The following SLC12A5 variants were observed in gnomAD, a reference collection of about 807,000 sequenced individuals.
SLC12A5 encodes the protein K-Cl cotransporter 2.
In SLC12A5, 18 loss-of-function variants were observed where a neutral mutation model predicts 124.0. That is an observed-to-expected ratio of 0.15 (90% confidence interval 0.10 to 0.22). The LOEUF (loss-of-function observed/expected upper bound fraction) is 0.22. Ranked by LOEUF, SLC12A5 falls within the 10% of genes least tolerant of loss-of-function variation. The pLI is 1.00. For missense variants in SLC12A5, 867 were observed against 1,478.7 expected (o/e 0.59, Z 6.78); for synonymous variants, 589 against 568.0 (o/e 1.04, Z -0.53).
Position 46,040,471 on chromosome 20 carries a change from G to A in SLC12A5, c.711G>A (p.Val237=), listed in dbSNP as rs750550342. The A allele has an allele frequency of 1.9e-6, 3 of 1,614,124 alleles. No individual in the cohort carries two copies. The highest frequency in any genetic ancestry group is 2.5e-6 in the Non-Finnish European group (3 of 1,180,060). ...LNNMRVYGTC[V]LTCMATVVFV... is the part of the protein sequence containing the mutation. ...ACATGCGTGTTTACGGCACCTGTGT[G>A]CTCACCTGCATGGCCACTGTGGTGT... is the stretch of plus-strand genomic sequence containing the variant. Residue 237 remains valine, a synonymous_variant, in exon 7 of 26, where the codon GTG becomes GTA. Coordinates refer to ENST00000243964, the MANE Select transcript of SLC12A5 (RefSeq NM_020708.5).
At position 46,029,508 on chromosome 20, in the gene SLC12A5, C is replaced by T. The variant is rs1304541956; in HGVS notation, c.52+112C>T. ...CTTCAGAGAGGAGGCTGGGACTGAC[C>T]CGGGCGGTGGGCGCCAGTTGCAGCC... On this transcript the variant is annotated intron_variant, in intron 1 of 25. Transcript: ENST00000243964. 3.3e-6 allele frequency: 4 copies of T among 1,212,804 alleles called. No individual in the cohort carries two copies. In the African/African-American group the frequency reaches 6.2e-5, roughly 19 times the overall value. The allele number at this position is 1,212,804 out of a possible 1,614,324, so 75.1% of individuals were successfully genotyped here.
intron 15 of SLC12A5, among the ~76,000 whole-genome samples, 175 bp downstream of exon 15, chr20:46,047,748 G>A (rs1434339970): frequency 6.6e-6 from 1 of 152,080 alleles, no homozygotes. Context: ...GAAGATGGGG[G>A]GTGGGAGCAG....
Position 46,057,068 on chromosome 20 carries a change from G to C in SLC12A5, c.3126-102G>C. 6.3e-7 allele frequency: 1 copy of C among 1,596,146 alleles called. No individual in the cohort carries two copies. The highest frequency in any genetic ancestry group is 1.1e-5 in the South Asian group (1 of 90,310). ...AGGATTGGTGGTCCTAGGCTTGCAAGAACCAGTCCCCAGCAGCCCAGTTCG... is the reference window on the plus strand; with the variant it reads ...AGGATTGGTGGTCCTAGGCTTGCAACAACCAGTCCCCAGCAGCCCAGTTCG... On this transcript the variant is annotated intron_variant, in intron 24 of 25. Transcript: ENST00000243964. This position sits in a 1 kb window ranked among gnomAD's most constrained non-coding sequence, Gnocchi z 7.1.
At chr20:46,032,343 G>C (rs911629073) in intron 1 of SLC12A5, among the ~76,000 whole-genome samples, 1 of 152,226 alleles carries the variant, frequency 6.6e-6, no homozygotes, top group Non-Finnish European at 1.5e-5. Flanking sequence ...GAGGGGAGGG[G>C]TTCTCCTGTC....
At chr20:46,051,922 G>A (rs2084650503) in intron 18 of SLC12A5, 52 bp downstream of exon 18, 1 of 1,356,310 alleles carries the variant, frequency 7.4e-7, no homozygotes, top group African/African-American at 1.5e-5. Flanking sequence ...GGGGGCTGTA[G>A]AGGGGTGGAA....
At chr20:46,022,150 A>C in intron 1 of SLC12A5, 2 of 186,866 alleles carry the variant, frequency 1.1e-5, no homozygotes, top group South Asian at 2.6e-4. Flanking sequence ...GTTTGGACGG[A>C]GGCGAAGGGG....
At chr20:46,048,961 C>A (rs1252943695) in intron 16 of SLC12A5, among the ~76,000 whole-genome samples, 4 of 152,210 alleles carry the variant, frequency 2.6e-5, no homozygotes, top group Admixed American at 1.3e-4. Flanking sequence ...CACCTCTTAG[C>A]CCTGGGTGCT....
At chr20:46,029,450 C>T in intron 1 of SLC12A5, 54 bp downstream of exon 1, 3 of 1,529,868 alleles carry the variant, frequency 2.0e-6, no homozygotes, top group Non-Finnish European at 2.6e-6. Flanking sequence ...GAGGAGGCAG[C>T]TCTGGGGTTA....
intron 1 of SLC12A5, among the ~76,000 whole-genome samples, chr20:46,034,257 C>T (rs539723579): frequency 7.7e-4 from 118 of 152,304 alleles, no homozygotes; most frequent in African/African-American, 2.6e-3. Flanking sequence ...TCAGCGGACA[C>T]GTCACTTCCT....
chr20:46,041,481 C>T lies in SLC12A5; in HGVS notation c.1007C>T (p.Thr336Ile). The change falls in exon 8 of 26, where the codon ACC (threonine) becomes ATC (isoleucine). Residue 336 changes from threonine (T) to isoleucine (I), a missense_variant. This residue lies in a region of SLC12A5 where 127 missense variants were observed against 164.1 expected (regional missense o/e 0.77). Coordinates refer to ENST00000243964, the MANE Select transcript of SLC12A5 (RefSeq NM_020708.5). ...AACGCCACCTGTGATGAATACTTCA[C>T]CCGAAACAATGTCACAGAGATCCAG... is the stretch of plus-strand genomic sequence containing the variant. The part of the protein sequence containing the change: ...FLNATCDEYF[T>I]RNNVTEIQGI... 1 of 1,614,114 alleles carries T rather than the reference C, an allele frequency of 6.2e-7. No homozygotes were observed. The highest frequency in any genetic ancestry group is 8.5e-7 in the Non-Finnish European group (1 of 1,180,026).
At chr20:46,031,829 G>T (rs574744481) in intron 1 of SLC12A5, among the ~76,000 whole-genome samples, 2 of 152,306 alleles carry the variant, frequency 1.3e-5, no homozygotes, top group South Asian at 2.1e-4. Context: ...CCTGCCTCTC[G>T]CGCGCGCGCC....
Position 46,056,891 on chromosome 20 carries a change from C to G in SLC12A5, c.3111-6C>G, listed in dbSNP as rs1469825932. On this transcript the variant is annotated splice_region_variant and splice_polypyrimidine_tract_variant and intron_variant, in intron 23 of 25. Coordinates refer to ENST00000243964, the MANE Select transcript of SLC12A5 (RefSeq NM_020708.5). The surrounding 1 kb of genome is among the most constrained non-coding windows in gnomAD (Gnocchi z 4.3). ...TCTCTCTTTGCATCTCTTGTGTTTC[C>G]TGAAGGGAGTGGGAGAACTTGTAAG... 2 of 1,613,904 alleles carry G rather than the reference C, an allele frequency of 1.2e-6. No homozygotes were observed. Among genetic ancestry groups the G allele is most frequent in the Non-Finnish European group, 1.7e-6 (2 of 1,179,914 alleles).
chr20:46,055,678 G>A (rs535124038), intron 21 of SLC12A5, among the ~76,000 whole-genome samples: 7 of 152,146 alleles, frequency 4.6e-5, no homozygotes, highest in Non-Finnish European at 7.4e-5. Context: ...TCCTACACAT[G>A]AGGGTAATAG....
At chr20:46,021,919 C>T in intron 1 of SLC12A5, 1 of 1,482,216 alleles carries the variant, frequency 6.7e-7, no homozygotes, top group Non-Finnish European at 8.9e-7. Flanking sequence ...CCTGCCAGGG[C>T]CGGGCGGGAC....
rs972720917 is a variant in SLC12A5, at chr20:46,053,963, T to C, written c.2679+254T>C. On this transcript the variant is annotated intron_variant, in intron 20 of 25. Transcript: ENST00000243964. This position sits in a 1 kb window ranked among gnomAD's most constrained non-coding sequence, Gnocchi z 4.7. ...TAAATTCCAACAACGACCAATGAGA[T>C]AGATACAATTATCAGCATTTCCATG... Among the ~76,000 whole-genome samples, 1 of 152,188 alleles carries C rather than the reference T, an allele frequency of 6.6e-6. No homozygotes were observed. The highest frequency in any genetic ancestry group is 1.9e-4 in the East Asian group (1 of 5,192).
Position 46,057,396 on chromosome 20 carries a change from C to G in SLC12A5, c.3259+93C>G. ...GATGGAAGAGCTGAGCTGTTCCTGC[C>G]TCCGGATCAGCACCTCGGACAGGGA... On this transcript the variant is annotated intron_variant, in intron 25 of 25. Coordinates refer to ENST00000243964, the MANE Select transcript of SLC12A5 (RefSeq NM_020708.5). The surrounding 1 kb of genome is among the most constrained non-coding windows in gnomAD (Gnocchi z 7.1). 1 of 1,605,724 alleles carries G rather than the reference C, an allele frequency of 6.2e-7. No homozygotes were observed. Among genetic ancestry groups the G allele is most frequent in the Non-Finnish European group, 8.5e-7 (1 of 1,172,572 alleles).
At position 46,059,409 on chromosome 20, in the gene SLC12A5, G is replaced by A; in HGVS notation, c.*1804G>A. 2.5e-6 allele frequency: 1 copy of A among 396,268 alleles called. No homozygotes were observed. The highest frequency in any genetic ancestry group is 4.4e-6 in the Non-Finnish European group (1 of 225,038). 24.5% of individuals were successfully genotyped at this position (396,268 alleles called of 1,614,324 possible). A position where few individuals can be genotyped will look rare whatever the true frequency, so the allele number is the denominator to read the frequency against. ...CAGGGGACTGGATAGATTCTTTCAGGTACTCAATCAGGAAGCTGGAGGTGT... is the reference window on the plus strand; with the variant it reads ...CAGGGGACTGGATAGATTCTTTCAGATACTCAATCAGGAAGCTGGAGGTGT... On this transcript the variant is annotated 3_prime_UTR_variant, in exon 26 of 26. Coordinates refer to ENST00000243964, the MANE Select transcript of SLC12A5 (RefSeq NM_020708.5).
At chr20:46,030,667 G>A (rs1381412292) in intron 1 of SLC12A5, among the ~76,000 whole-genome samples, 1 of 152,202 alleles carries the variant, frequency 6.6e-6, no homozygotes, top group Non-Finnish European at 1.5e-5. Context: ...GGCGGATGGC[G>A]CCTAGGGCTG....
chr20:46,039,863 T>C (rs1318538991), intron 6 of SLC12A5, among the ~76,000 whole-genome samples: 1 of 151,970 alleles, frequency 6.6e-6, no homozygotes, highest in African/African-American at 2.4e-5. Flanking sequence ...AATAGCTCCA[T>C]AGTCTGTGGG....
Sources: gnomAD v4.1 joint callset for allele counts (sites outside exome capture counted in the v4.1 genomes callset) on GRCh38, gnomAD v4.1.1 for gene constraint, gnomAD v4.1.1 regional missense constraint, Gnocchi (gnomAD v3.1) non-coding constraint, MANE v1.5 for transcripts, NCBI Gene and HGNC (gene_info 2026-07-23, HGNC 2026-07-21) for gene names.